SUMF1: variants seen among roughly 807,000 people sequenced by gnomAD.
The protein encoded by SUMF1 is sulfatase modifying factor 1, also known as formylglycine-generating enzyme.
A neutral mutation model predicts 47.6 loss-of-function variants in SUMF1; 48 were observed. That is an observed-to-expected ratio of 1.01 (90% CI 0.80 to 1.28). The LOEUF (loss-of-function observed/expected upper bound fraction) is 1.28, where lower values mean the gene tolerates loss of function less well. SUMF1 is among the 50% of genes most tolerant of loss of function. The pLI, the probability that SUMF1 is intolerant of heterozygous loss-of-function variation, is 0.00. For synonymous variants in SUMF1, 230 were observed against 192.1 expected, an observed-to-expected ratio of 1.20 and a Z score of -1.63; for missense variants, 571 against 485.4, an observed-to-expected ratio of 1.18 and a Z score of -1.66.
chr3:4,395,304 C>A (rs1701005272), intron 7 of SUMF1, among the ~76,000 whole-genome samples: 1 of 152,134 alleles, frequency 6.6e-6, no homozygotes, highest in African/African-American at 2.4e-5. Flanking sequence ...GTGAAAAATA[C>A]AGTCAAAATA....
chr3:4,241,377 TG>T (rs1696534294), intron 8 of SUMF1, among the ~76,000 whole-genome samples: 1 of 152,120 alleles, frequency 6.6e-6, no homozygotes, highest in African/African-American at 2.4e-5. Context: ...GTAAGAACCT[TG>T]GTATTTGTGG....
Position 4,226,953 on chromosome 3 carries a change from C to A in SUMF1, c.1014+149377G>T, listed in dbSNP as rs542570761. 2.0e-5 allele frequency among the ~76,000 whole-genome samples: 3 copies of A among 152,226 alleles called. No individual in the cohort carries two copies. The South Asian group carries it at 6.2e-4, about 32-fold the overall frequency. On this transcript the variant is annotated intron_variant and NMD_transcript_variant, in intron 8 of 12. Transcript: ENST00000448413. ...ACTCTGGGGGCTAAAACACAGATTT[C>A]TGGGTCCCATCCTCAGAGTTTCTGA...
In SUMF1 at chr3:4,364,226, A is replaced by C. The variant is rs549556327; in HGVS notation, c.1015-1972T>G. Among the ~76,000 whole-genome samples the C allele has an allele frequency of 1.6e-3, 203 of 129,294 alleles. 10 individuals carry two copies. Among genetic ancestry groups the C allele is most frequent in the African/African-American group, 4.3e-3 (169 of 38,904 alleles). The allele number at this position is 129,294 out of a possible 152,430, so 84.8% of individuals were successfully genotyped here. ...TCTGCCCGGCTTTGGTATCAGGATG[A>C]TGCTGGCCTCATCAAATGAGTTAGG... is the stretch of plus-strand genomic sequence containing the variant. On this transcript the variant is annotated intron_variant, in intron 8 of 8. Coordinates refer to ENST00000272902, the MANE Select transcript of SUMF1 (RefSeq NM_182760.4).
chr3:4,217,108 C>G (rs1030821762), intron 8 of SUMF1, among the ~76,000 whole-genome samples: 7 of 152,062 alleles, frequency 4.6e-5, no homozygotes, highest in African/African-American at 7.2e-5. Context: ...AGACTTGGAA[C>G]CAACCCAAAT....
chr3:4,173,355 G>A (rs1298994940), intron 8 of SUMF1, among the ~76,000 whole-genome samples: 1 of 152,176 alleles, frequency 6.6e-6, no homozygotes, highest in African/African-American at 2.4e-5. Flanking sequence ...AGTTAGAATG[G>A]TGATCGTTAA....
chr3:4,189,623 G>T (rs1233923583), intron 8 of SUMF1, among the ~76,000 whole-genome samples: 1 of 151,972 alleles, frequency 6.6e-6, no homozygotes, highest in African/African-American at 2.4e-5. Context: ...GGCAAATGGT[G>T]GAGAAAGTTA....
chr3:4,245,972 G>A (rs1553612826), intron 8 of SUMF1, among the ~76,000 whole-genome samples: 1 of 152,194 alleles, frequency 6.6e-6, no homozygotes, highest in Non-Finnish European at 1.5e-5. Context: ...AATCGTGGAT[G>A]CCCCTTTCCC....
intron 8 of SUMF1, among the ~76,000 whole-genome samples, chr3:4,280,494 G>GA (rs138740951): frequency 0.027 from 4,019 of 149,360 alleles, 167 homozygotes; most frequent in African/African-American, 0.09. Flanking sequence ...TCTAATAGAG[G>GA]AAAAAAAAAA....
At chr3:4,061,630 A>G (rs1253727164) in intron 9 of SUMF1, among the ~76,000 whole-genome samples, 1 of 152,110 alleles carries the variant, frequency 6.6e-6, no homozygotes, top group Non-Finnish European at 1.5e-5. Flanking sequence ...GGGAGCAGCA[A>G]GAACTAGACC....
intron 8 of SUMF1, among the ~76,000 whole-genome samples, chr3:4,231,554 C>A (rs1320364348): frequency 6.6e-6 from 1 of 152,130 alleles, no homozygotes; most frequent in South Asian, 2.1e-4. Flanking sequence ...AAGAGCAGGT[C>A]ACAGAGGTAT....
At chr3:4,329,723 A>G (rs1699013531) in intron 8 of SUMF1, among the ~76,000 whole-genome samples, 1 of 151,550 alleles carries the variant, frequency 6.6e-6, no homozygotes, top group Admixed American at 6.6e-5. Context: ...CTCATTACTT[A>G]TGCAAATTTT....
At chr3:4,186,038 T>A (rs905877527) in intron 8 of SUMF1, among the ~76,000 whole-genome samples, 1 of 152,176 alleles carries the variant, frequency 6.6e-6, no homozygotes, top group African/African-American at 2.4e-5. Flanking sequence ...GACAGTATCT[T>A]CAAGATGACC....
Position 4,215,455 on chromosome 3 carries a change from G to A in SUMF1, c.1015-146710C>T, listed in dbSNP as rs565646524. Among the ~76,000 whole-genome samples the A allele has an allele frequency of 5.6e-3, 853 of 152,226 alleles. 10 individuals are homozygous for A. Among genetic ancestry groups the A allele is most frequent in the African/African-American group, 0.02 (812 of 41,538 alleles). Reference sequence around the variant, plus strand: ...CCAATATCATACTGAATGGGCAAAAGCTGAAAGCATTCCTTTTGAAAACCA... The same window carrying A: ...CCAATATCATACTGAATGGGCAAAAACTGAAAGCATTCCTTTTGAAAACCA... On this transcript the variant is annotated intron_variant and NMD_transcript_variant, in intron 8 of 12. Transcript: ENST00000448413.
At chr3:4,052,780 C>T (rs935027098) in intron 9 of SUMF1, among the ~76,000 whole-genome samples, 3 of 152,088 alleles carry the variant, frequency 2.0e-5, no homozygotes, top group African/African-American at 7.2e-5. Context: ...TAAAGTGAGT[C>T]ATACAAATTT....
chr3:4,055,200 G>A (rs895607411), intron 9 of SUMF1, among the ~76,000 whole-genome samples: 3 of 152,024 alleles, frequency 2.0e-5, no homozygotes, highest in East Asian at 1.9e-4. Context: ...ATGATGATAT[G>A]GCATAAATAC....
At chr3:4,363,051 T>C (rs574745356) in intron 8 of SUMF1, among the ~76,000 whole-genome samples, 4 of 152,306 alleles carry the variant, frequency 2.6e-5, no homozygotes, top group Admixed American at 1.3e-4. Context: ...ATGTGCACAG[T>C]AGTTATCCCT....
At chr3:4,412,229 A>G (rs1701566627) in intron 6 of SUMF1, among the ~76,000 whole-genome samples, 1 of 152,220 alleles carries the variant, frequency 6.6e-6, no homozygotes, top group Non-Finnish European at 1.5e-5. Context: ...AATGACCTCA[A>G]CTAGTTTAAT....
intron 1 of SUMF1, 131 bp from the exon 2 acceptor site, chr3:4,453,180 G>A (rs755022085): frequency 1.6e-5 from 15 of 919,604 alleles, no homozygotes; most frequent in Admixed American, 4.2e-5. Context: ...TGTAAAATTC[G>A]GAAAAATCTC....
chr3:4,098,051 G>A lies in SUMF1; in HGVS notation c.1015-29306C>T, dbSNP rs562708161. On this transcript the variant is annotated intron_variant and NMD_transcript_variant, in intron 8 of 12. Coordinates refer to the SUMF1 transcript ENST00000448413. ...TTCAAAACAATGTCTCCGCTGAAATGCCCAGAAGAATAACGTATCTTCCTG... is the reference window on the plus strand; with the variant it reads ...TTCAAAACAATGTCTCCGCTGAAATACCCAGAAGAATAACGTATCTTCCTG... Among the ~76,000 whole-genome samples, 23 of 152,208 alleles carry A rather than the reference G, an allele frequency of 1.5e-4. No homozygotes were observed. The South Asian group carries it at 4.6e-3, about 30-fold the overall frequency.
Sources: allele counts gnomAD v4.1 joint callset (sites outside exome capture counted in the v4.1 genomes callset), GRCh38; gene constraint gnomAD v4.1.1; transcripts MANE v1.5; gene names NCBI Gene and HGNC (gene_info 2026-07-23, HGNC 2026-07-21).